Variants in CADM2 observed in about 807,000 individuals in gnomAD.
The protein encoded by CADM2 is cell adhesion molecule 2, also known as immunoglobulin superfamily member 4D.
Under a neutral mutation model 49.8 loss-of-function variants are expected in CADM2, and 12 were observed. That is an observed-to-expected ratio of 0.24 (90% CI 0.15 to 0.39). The LOEUF (loss-of-function observed/expected upper bound fraction) is 0.39. Ranked by LOEUF, CADM2 falls within the 10% of genes least tolerant of loss-of-function variation. The probability of loss-of-function intolerance (pLI) is 1.00; values close to 1 mark genes in which losing one functional copy is unlikely to be tolerated. For missense variants in CADM2, 378 were observed against 492.3 expected (o/e 0.77, Z 2.20); for synonymous variants, 214 against 175.4 (o/e 1.22, Z -1.74).
intron 1 of CADM2, among the ~76,000 whole-genome samples, chr3:85,228,121 G>A (rs983549283): frequency 6.6e-6 from 1 of 152,126 alleles, no homozygotes; most frequent in Non-Finnish European, 1.5e-5. Context: ...CTCTTTTTGA[G>A]GAATATCTTT....
At chr3:85,804,619 A>C (rs549898941) in intron 3 of CADM2, among the ~76,000 whole-genome samples, 160 of 152,286 alleles carry the variant, frequency 1.1e-3, no homozygotes, top group African/African-American at 3.7e-3. Flanking sequence ...CTCAGGCACA[A>C]AGACAAAATC....
chr3:85,932,028 C>T (rs539346699), intron 6 of CADM2, among the ~76,000 whole-genome samples: 9 of 150,952 alleles, frequency 6.0e-5, no homozygotes, highest in South Asian at 2.1e-4. Flanking sequence ...AATTTTGTTT[C>T]GTTATCAGAG....
chr3:85,965,585 A>C (rs935059720), intron 8 of CADM2, among the ~76,000 whole-genome samples: 2 of 151,540 alleles, frequency 1.3e-5, no homozygotes, highest in African/African-American at 4.8e-5. Flanking sequence ...AGAAAACTCT[A>C]ATTTTTTTCT....
At chr3:85,909,386 A>G (rs1451912664) in intron 5 of CADM2, among the ~76,000 whole-genome samples, 1 of 143,522 alleles carries the variant, frequency 7.0e-6, no homozygotes, top group East Asian at 2.1e-4. Flanking sequence ...GCATATTTTG[A>G]AAAATGTAAA....
At chr3:85,137,611 A>G (rs968848767) in intron 1 of CADM2, among the ~76,000 whole-genome samples, 2 of 152,064 alleles carry the variant, frequency 1.3e-5, no homozygotes, top group Non-Finnish European at 2.9e-5. Flanking sequence ...ACTAATTTTC[A>G]CAACTTTCTG....
intron 1 of CADM2, among the ~76,000 whole-genome samples, chr3:85,106,532 A>G (rs534030922): frequency 2.2e-4 from 34 of 152,300 alleles, no homozygotes; most frequent in African/African-American, 7.7e-4. Flanking sequence ...ATATTGTGGC[A>G]TATTATGTGA....
At chr3:85,755,842 A>G (rs1037360728) in intron 2 of CADM2, among the ~76,000 whole-genome samples, 1 of 152,168 alleles carries the variant, frequency 6.6e-6, no homozygotes, top group Non-Finnish European at 1.5e-5. Context: ...ATAATTTCAC[A>G]TGAGATTTGG....
chr3:85,083,171 T>C (rs2037235674), intron 1 of CADM2, among the ~76,000 whole-genome samples: 1 of 152,106 alleles, frequency 6.6e-6, no homozygotes, highest in African/African-American at 2.4e-5. Flanking sequence ...ATATATCATG[T>C]CTGTCCTCTA....
At chr3:85,098,358 T>A (rs192698262) in intron 1 of CADM2, among the ~76,000 whole-genome samples, 1 of 151,928 alleles carries the variant, frequency 6.6e-6, no homozygotes, top group Non-Finnish European at 1.5e-5. Context: ...AAAAAAAATA[T>A]GACCAAAGTT....
intron 1 of CADM2, among the ~76,000 whole-genome samples, chr3:85,202,689 C>T (rs1393424627): frequency 6.6e-6 from 1 of 152,134 alleles, no homozygotes; most frequent in Non-Finnish European, 1.5e-5. Flanking sequence ...ACATTAGTTC[C>T]TAAGAAGCAA....
chr3:85,699,199 C>T (rs993451977), intron 1 of CADM2, among the ~76,000 whole-genome samples: 2 of 152,122 alleles, frequency 1.3e-5, no homozygotes, highest in South Asian at 2.1e-4. Context: ...CAGCTCTGCC[C>T]CTGTGACTTT....
At chr3:85,762,001 T>C (rs2069412924) in intron 2 of CADM2, among the ~76,000 whole-genome samples, 1 of 152,120 alleles carries the variant, frequency 6.6e-6, no homozygotes, top group Non-Finnish European at 1.5e-5. Context: ...AGGGATTTTA[T>C]GTATGGCTAA....
chr3:84,959,570 C>A lies in CADM2; in HGVS notation c.-38C>A, dbSNP rs1019171033. 3 of 1,527,484 alleles carry A rather than the reference C, an allele frequency of 2.0e-6. No individual in the cohort carries two copies. The highest frequency in any genetic ancestry group is 2.6e-6 in the Non-Finnish European group (3 of 1,138,232). The allele number at this position is 1,527,484 out of a possible 1,614,324, so 94.6% of individuals were successfully genotyped here. On this transcript the variant is annotated 5_prime_UTR_variant, in exon 1 of 10. Transcript: ENST00000383699. ...TGCCCCGCTCACCAGCATCTACTTG[C>A]CCCCTCGTTCCTTCCCCAGCCCTTT... is the stretch of plus-strand genomic sequence containing the variant.
intron 6 of CADM2, among the ~76,000 whole-genome samples, chr3:85,917,501 G>A (rs954709834): frequency 3.3e-5 from 5 of 152,002 alleles, no homozygotes; most frequent in Admixed American, 3.3e-4. Flanking sequence ...TATTTCTGAG[G>A]GCTCTGTTCT....
intron 7 of CADM2, among the ~76,000 whole-genome samples, chr3:85,951,887 G>A (rs189194446): frequency 1.6e-3 from 238 of 151,010 alleles, no homozygotes; most frequent in African/African-American, 5.4e-3. Context: ...AATAATGGAT[G>A]GAGAAAGGGA....
intron 1 of CADM2, among the ~76,000 whole-genome samples, chr3:85,500,366 G>A (rs1315249160): frequency 3.9e-5 from 6 of 152,112 alleles, no homozygotes; most frequent in Admixed American, 6.5e-5. Context: ...TTCCAGCTCC[G>A]AAATTGGAAT....
At chr3:85,118,134 A>G (rs1456362048) in intron 1 of CADM2, among the ~76,000 whole-genome samples, 2 of 151,778 alleles carry the variant, frequency 1.3e-5, no homozygotes, top group Non-Finnish European at 2.9e-5. Flanking sequence ...TTTTCTCTAT[A>G]CATCATAAAT....
intron 2 of CADM2, among the ~76,000 whole-genome samples, chr3:85,746,238 G>A (rs1294576467): frequency 6.6e-6 from 1 of 152,032 alleles, no homozygotes; most frequent in Non-Finnish European, 1.5e-5. Context: ...CTTTTAACAA[G>A]CATTGCAGCT....
chr3:85,632,672 T>C (rs987642257), intron 1 of CADM2, among the ~76,000 whole-genome samples: 1 of 152,056 alleles, frequency 6.6e-6, no homozygotes, highest in African/African-American at 2.4e-5. Flanking sequence ...GTAAATGTCT[T>C]GATTTCATTA....
Sources: allele counts gnomAD v4.1 joint callset (sites outside exome capture counted in the v4.1 genomes callset), GRCh38; gene constraint gnomAD v4.1.1; transcripts MANE v1.5; gene names NCBI Gene and HGNC (gene_info 2026-07-23, HGNC 2026-07-21).